Variants in CUX2 observed in about 807,000 individuals in gnomAD.
The protein encoded by CUX2 is cut like homeobox 2, also known as homeobox protein cut-like 2.
Under a neutral mutation model 144.8 loss-of-function variants are expected in CUX2, and 40 were observed. That is an observed-to-expected ratio of 0.28 (90% CI 0.21 to 0.36). The LOEUF (loss-of-function observed/expected upper bound fraction) is 0.36. Ranked by LOEUF, CUX2 falls within the 10% of genes least tolerant of loss-of-function variation. The pLI, the probability that CUX2 is intolerant of heterozygous loss-of-function variation, is 1.00. For synonymous variants in CUX2, 827 were observed against 875.6 expected, an observed-to-expected ratio of 0.94 and a Z score of 0.98; for missense variants, 1,615 against 1,994.0, an observed-to-expected ratio of 0.81 and a Z score of 3.62.
chr12:111,096,546 C>G (rs941871645), intron 1 of CUX2, among the ~76,000 whole-genome samples: 1 of 152,192 alleles, frequency 6.6e-6, no homozygotes, highest in African/African-American at 2.4e-5. Context: ...GGCCCCATAG[C>G]CATCCCGTGG....
At chr12:111,273,014 T>A (rs1412568352) in intron 4 of CUX2, among the ~76,000 whole-genome samples, 1 of 152,204 alleles carries the variant, frequency 6.6e-6, no homozygotes, top group Non-Finnish European at 1.5e-5. Flanking sequence ...CATTAGCTTA[T>A]GCTCTGAGTG....
intron 19 of CUX2, 96 bp downstream of exon 19, chr12:111,334,806 T>G: frequency 7.5e-7 from 1 of 1,340,234 alleles, no homozygotes; most frequent in Non-Finnish European, 1.0e-6. Flanking sequence ...CAGTGGCTCA[T>G]ACCTGTAATT....
At chr12:111,248,415 G>A (rs1228500336) in intron 3 of CUX2, among the ~76,000 whole-genome samples, 2 of 152,148 alleles carry the variant, frequency 1.3e-5, no homozygotes, top group African/African-American at 2.4e-5. Flanking sequence ...GAGTCAGAAG[G>A]GCCTCTTCTG....
At chr12:111,343,519 T>C (rs932739407) in intron 21 of CUX2, among the ~76,000 whole-genome samples, 1 of 151,990 alleles carries the variant, frequency 6.6e-6, no homozygotes. Flanking sequence ...GGGGAGAGAA[T>C]GTCTCTTGAT....
At chr12:111,137,742 TG>T (rs925876429) in intron 1 of CUX2, among the ~76,000 whole-genome samples, 4 of 152,134 alleles carry the variant, frequency 2.6e-5, no homozygotes, top group African/African-American at 9.7e-5. Flanking sequence ...CTCGAACTTC[TG>T]GCCCCAAGCG....
chr12:111,242,753 G>A (rs940594999), intron 3 of CUX2, among the ~76,000 whole-genome samples: 5 of 152,190 alleles, frequency 3.3e-5, no homozygotes, highest in African/African-American at 1.2e-4. Flanking sequence ...GGCAGAGGTT[G>A]CAGTGAGTCG....
At chr12:111,044,052 A>C (rs747241992) in intron 1 of CUX2, among the ~76,000 whole-genome samples, 1 of 152,194 alleles carries the variant, frequency 6.6e-6, no homozygotes, top group African/African-American at 2.4e-5. Flanking sequence ...GTAGTCTAGG[A>C]GCTTCCGTCA....
chr12:111,185,021 G>A (rs559606220), intron 1 of CUX2, among the ~76,000 whole-genome samples: 37 of 149,670 alleles, frequency 2.5e-4, no homozygotes, highest in Non-Finnish European at 4.3e-4. Flanking sequence ...CCAAGATGGC[G>A]CCACTGCACT....
chr12:111,169,104 A>G (rs759525556), intron 1 of CUX2, among the ~76,000 whole-genome samples: 1 of 152,194 alleles, frequency 6.6e-6, no homozygotes, highest in African/African-American at 2.4e-5. Context: ...ATGAGGCCAT[A>G]CTAGAGTAGG....
At chr12:111,156,545 G>T (rs1877387502) in intron 1 of CUX2, among the ~76,000 whole-genome samples, 1 of 152,100 alleles carries the variant, frequency 6.6e-6, no homozygotes, top group Non-Finnish European at 1.5e-5. Flanking sequence ...TCTCTGCAGT[G>T]ACAGCCTCAC....
At chr12:111,183,240 C>T (rs1295657609) in intron 1 of CUX2, among the ~76,000 whole-genome samples, 1 of 152,272 alleles carries the variant, frequency 6.6e-6, no homozygotes, top group Non-Finnish European at 1.5e-5. Context: ...CCAGTCGGGA[C>T]TCAGCTGGGC....
At chr12:111,054,018 G>A (rs985638878) in intron 1 of CUX2, among the ~76,000 whole-genome samples, 4 of 152,146 alleles carry the variant, frequency 2.6e-5, no homozygotes, top group Non-Finnish European at 1.5e-5. Flanking sequence ...GCCAGGCATG[G>A]TGGCACACGC....
rs1226579236 is a variant in CUX2, at chr12:111,263,726, G to T, written c.223-35G>T. 2.6e-6 allele frequency: 4 copies of T among 1,533,710 alleles called. No homozygotes were observed. The highest frequency in any genetic ancestry group is 2.2e-5 in the East Asian group (1 of 44,512). On this transcript the variant is annotated intron_variant, in intron 3 of 21. Coordinates refer to ENST00000261726, the MANE Select transcript of CUX2 (RefSeq NM_015267.4). This position sits in a 1 kb window ranked among gnomAD's most constrained non-coding sequence, Gnocchi z 4.0. ...TTTGCTTGCAGACACAGATGCCATG[G>T]TTACACGTGACTCTTTCTCTTGTTG...
intron 1 of CUX2, among the ~76,000 whole-genome samples, chr12:111,194,315 C>T (rs80310917): frequency 0.037 from 5,582 of 152,334 alleles, 175 homozygotes; most frequent in African/African-American, 0.083. Flanking sequence ...GAAGCCGTCA[C>T]TGTTATTATT....
chr12:111,077,670 T>A lies in CUX2; in HGVS notation c.63+43430T>A, dbSNP rs749264534. ...GACTCACTCAATAAGCGTTGCATTG[T>A]GGAGACAGGATGGAGGCCAGCTTTA... is the stretch of plus-strand genomic sequence containing the variant. On this transcript the variant is annotated intron_variant, in intron 1 of 21. Coordinates refer to ENST00000261726, the MANE Select transcript of CUX2 (RefSeq NM_015267.4). The surrounding 1 kb of genome is among the most constrained non-coding windows in gnomAD (Gnocchi z 4.1). Among the ~76,000 whole-genome samples, 2 of 152,206 alleles carry A rather than the reference T, an allele frequency of 1.3e-5. No homozygotes were observed. Among genetic ancestry groups the A allele is most frequent in the African/African-American group, 2.4e-5 (1 of 41,452 alleles).
At chr12:111,063,499 C>T (rs1428011999) in intron 1 of CUX2, among the ~76,000 whole-genome samples, 7 of 152,188 alleles carry the variant, frequency 4.6e-5, no homozygotes, top group Admixed American at 6.5e-5. Context: ...TTTGGGACAT[C>T]GCGAGGCGGC....
chr12:111,307,408 G>A lies in CUX2; in HGVS notation c.1109+151G>A. 1.4e-6 allele frequency: 1 copy of A among 718,764 alleles called. No homozygotes were observed. Among genetic ancestry groups the A allele is most frequent in the Non-Finnish European group, 2.3e-6 (1 of 436,736 alleles). 44.5% of individuals were successfully genotyped at this position (718,764 alleles called of 1,614,324 possible). ...GATATCAAACCTTAACCATCCTCAG[G>A]CCAGGTGCAGTGGCTCATCCCTGTA... On this transcript the variant is annotated intron_variant, in intron 12 of 21. Coordinates refer to ENST00000261726, the MANE Select transcript of CUX2 (RefSeq NM_015267.4). This position sits in a 1 kb window ranked among gnomAD's most constrained non-coding sequence, Gnocchi z 4.1.
chr12:111,063,911 G>C (rs563711074), intron 1 of CUX2, among the ~76,000 whole-genome samples: 1 of 152,172 alleles, frequency 6.6e-6, no homozygotes, highest in Non-Finnish European at 1.5e-5. Flanking sequence ...TTACGCTGTC[G>C]AGGAGCGAGG....
intron 3 of CUX2, among the ~76,000 whole-genome samples, chr12:111,260,896 T>C (rs76574569): frequency 0.037 from 5,683 of 152,306 alleles, 156 homozygotes; most frequent in African/African-American, 0.072. Context: ...AAATGGAACA[T>C]TGAGTCATTC....
Sources: allele counts gnomAD v4.1 joint callset (sites outside exome capture counted in the v4.1 genomes callset), GRCh38; gene constraint gnomAD v4.1.1; non-coding constraint Gnocchi (gnomAD v3.1); transcripts MANE v1.5; gene names NCBI Gene and HGNC (gene_info 2026-07-23, HGNC 2026-07-21).